DNAH8: variants seen among roughly 807,000 people sequenced by gnomAD.
DNAH8 encodes axonemal beta dynein heavy chain 8.
Under a neutral mutation model 562.1 loss-of-function variants are expected in DNAH8, and 382 were observed. That is an observed-to-expected ratio of 0.68 (90% confidence interval 0.63 to 0.74). The LOEUF (loss-of-function observed/expected upper bound fraction) is 0.74. Ranked by LOEUF, DNAH8 falls within the 30% of genes least tolerant of loss-of-function variation. The pLI is 0.00. For missense variants in DNAH8, 5,203 were observed against 5,620.4 expected (o/e 0.93, Z 2.37); for synonymous variants, 1,881 against 1,919.4 (o/e 0.98, Z 0.52).
intron 42 of DNAH8, among the ~76,000 whole-genome samples, chr6:38,857,992 A>G (rs1463747109): frequency 6.6e-6 from 1 of 152,216 alleles, no homozygotes. Flanking sequence ...CCATTAAACC[A>G]AATAACCAGG....
At chr6:38,734,329 C>CCCG (rs1763907327) in intron 4 of DNAH8, 145 bp from the exon 5 acceptor site, 1 of 709,618 alleles carries the variant, frequency 1.4e-6, no homozygotes, top group Non-Finnish European at 2.0e-6. Flanking sequence ...CTAGTAGACC[C>CCCG]CCCCCCAAAA....
intron 80 of DNAH8, among the ~76,000 whole-genome samples, chr6:38,948,912 A>C (rs1436535933): frequency 1.3e-5 from 2 of 152,132 alleles, no homozygotes; most frequent in African/African-American, 4.8e-5. Context: ...TTTGTCATCT[A>C]TCATTATTTT....
At chr6:38,976,473 T>G (rs937373703) in intron 85 of DNAH8, among the ~76,000 whole-genome samples, 1 of 152,104 alleles carries the variant, frequency 6.6e-6, no homozygotes, top group Non-Finnish European at 1.5e-5. Context: ...TGTGTAAATA[T>G]TTTTTTTACT....
chr6:38,892,478 C>T (rs532985172), intron 58 of DNAH8, among the ~76,000 whole-genome samples: 3 of 152,274 alleles, frequency 2.0e-5, no homozygotes, highest in East Asian at 3.9e-4. Context: ...TGGGCACCAT[C>T]CTTGATTTAT....
Position 38,883,365 on chromosome 6 carries a change from T to A in DNAH8, c.8045T>A (p.Met2682Lys). The change falls in exon 55 of 93, where the codon ATG becomes AAG. Residue 2682 changes from methionine (M) to lysine (K), a missense_variant. By Grantham distance (95) the Met-to-Lys change is moderately conservative (BLOSUM62 -1). Coordinates refer to ENST00000327475, the MANE Select transcript of DNAH8 (RefSeq NM_001206927.2). ...TGEQGTAKTV[M>K]VKAYLKKYDP... ...GAGCAGGGAACTGCAAAAACTGTCA[T>A]GGTTAAGGCCTATTTGAAAAAATAT... 6.2e-7 allele frequency: 1 copy of A among 1,612,930 alleles called. No homozygotes were observed.
At chr6:38,760,826 T>C (rs1766420341) in intron 10 of DNAH8, among the ~76,000 whole-genome samples, 1 of 152,164 alleles carries the variant, frequency 6.6e-6, no homozygotes, top group East Asian at 1.9e-4. Flanking sequence ...GTAAGCTTCC[T>C]GGGGTCGTCA....
intron 21 of DNAH8, among the ~76,000 whole-genome samples, chr6:38,801,406 T>C (rs1471268595): frequency 1.3e-5 from 2 of 152,220 alleles, no homozygotes; most frequent in Non-Finnish European, 2.9e-5. Flanking sequence ...TTACTGTATG[T>C]TATTTTGTCG....
Position 38,805,346 on chromosome 6 carries a change from A to G in DNAH8, c.3035-135A>G, listed in dbSNP as rs1030057553. On this transcript the variant is annotated intron_variant, in intron 22 of 92. Coordinates refer to ENST00000327475, the MANE Select transcript of DNAH8 (RefSeq NM_001206927.2). ...ATGACTCCTAGAGGAACAAATGCGAAAAGCATTTTTCAAAAAACAGTTTTA... is the reference window on the plus strand; with the variant it reads ...ATGACTCCTAGAGGAACAAATGCGAGAAGCATTTTTCAAAAAACAGTTTTA... The G allele has an allele frequency of 1.1e-5, 7 of 609,394 alleles. No homozygotes were observed. The African/African-American group carries it at 1.3e-4, about 11-fold the overall frequency. The allele number at this position is 609,394 out of a possible 1,614,324, so 37.7% of individuals were successfully genotyped here. A position where few individuals can be genotyped will look rare whatever the true frequency, so the allele number is the denominator to read the frequency against.
At position 38,723,057 on chromosome 6, in the gene DNAH8, G is replaced by C; in HGVS notation, c.248G>C (p.Arg83Thr). ...GATGATCATGAAGCGGATCTGAATA[G>C]AGTTCGACAGAGGCTTGCACCGCGA... ...LPDDHEADLN[R>T]VRQRLAPRPV... is the part of the protein sequence containing the mutation. Residue 83 changes from arginine to threonine, a missense_variant, in exon 2 of 93, where the codon AGA becomes ACA. Physicochemically the swap from Arg to Thr is moderately conservative, Grantham distance 71. Coordinates refer to ENST00000327475, the MANE Select transcript of DNAH8 (RefSeq NM_001206927.2). 1 of 1,612,914 alleles carries C rather than the reference G, an allele frequency of 6.2e-7. No homozygotes were observed. The highest frequency in any genetic ancestry group is 8.5e-7 in the Non-Finnish European group (1 of 1,179,902).
intron 88 of DNAH8, among the ~76,000 whole-genome samples, chr6:39,005,241 CT>C (rs1043828099): frequency 2.0e-5 from 3 of 152,062 alleles, no homozygotes; most frequent in Admixed American, 1.3e-4. Flanking sequence ...GTGAAACCCC[CT>C]CTCTACTAAA....
chr6:38,827,598 T>C (rs532437596), intron 29 of DNAH8, among the ~76,000 whole-genome samples: 1 of 152,146 alleles, frequency 6.6e-6, no homozygotes, highest in South Asian at 2.1e-4. Context: ...TGGTAGCTAA[T>C]GAACTTTTTA....
At chr6:38,756,693 C>T (rs1293881114) in intron 10 of DNAH8, among the ~76,000 whole-genome samples, 1 of 148,908 alleles carries the variant, frequency 6.7e-6, no homozygotes, top group Non-Finnish European at 1.5e-5. Flanking sequence ...ATGACAGGCC[C>T]CAGTGTGTGA....
intron 5 of DNAH8, 133 bp downstream of exon 5, chr6:38,734,758 A>G: frequency 1.0e-6 from 1 of 993,686 alleles, no homozygotes; most frequent in Non-Finnish European, 1.4e-6. Flanking sequence ...ATGTATTCAT[A>G]TATTAAAAAA....
chr6:38,999,722 C>T (rs112175526), intron 88 of DNAH8, among the ~76,000 whole-genome samples: 1 of 151,326 alleles, frequency 6.6e-6, no homozygotes, highest in Non-Finnish European at 1.5e-5. Flanking sequence ...TGAAAATATC[C>T]TATGAAAACA....
At position 38,851,976 on chromosome 6, in the gene DNAH8, A is replaced by G. The variant is rs531229795; in HGVS notation, c.5466+302A>G. ...AGGATATTAATGGTTCTCACCTCAC[A>G]GGACTGTCATGAGGATTATATGAGA... On this transcript the variant is annotated intron_variant, in intron 39 of 92. Transcript: ENST00000327475. Among the ~76,000 whole-genome samples, 34 of 152,302 alleles carry G rather than the reference A, an allele frequency of 2.2e-4. 1 individual carries two copies. In the South Asian group the frequency reaches 6.4e-3, roughly 29 times the overall value.
intron 91 of DNAH8, 110 bp from the exon 92 acceptor site, chr6:39,026,436 T>A (rs1226488018): frequency 4.4e-6 from 5 of 1,148,404 alleles, no homozygotes. Context: ...CCTTTTGAGA[T>A]GGATGTGTAG....
chr6:38,762,006 A>G, intron 11 of DNAH8, among the ~76,000 whole-genome samples: 1 of 152,100 alleles, frequency 6.6e-6, no homozygotes, highest in East Asian at 1.9e-4. Context: ...CATCTCCTCC[A>G]TGGCTGCCTG....
chr6:38,965,245 C>T (rs1762896043), intron 82 of DNAH8, among the ~76,000 whole-genome samples: 1 of 151,900 alleles, frequency 6.6e-6, no homozygotes, highest in South Asian at 2.1e-4. Flanking sequence ...TTATATAATA[C>T]ACTGCAGCTA....
intron 86 of DNAH8, among the ~76,000 whole-genome samples, chr6:38,983,191 T>C (rs1764149931): frequency 6.6e-6 from 1 of 152,222 alleles, no homozygotes; most frequent in Non-Finnish European, 1.5e-5. Context: ...AAAATGAACA[T>C]TGTTTCTGTG....
Sources: gnomAD v4.1 joint callset for allele counts (sites outside exome capture counted in the v4.1 genomes callset) on GRCh38, gnomAD v4.1.1 for gene constraint, MANE v1.5 for transcripts, NCBI Gene and HGNC (gene_info 2026-07-23, HGNC 2026-07-21) for gene names.